The following DNM3 variants were observed in gnomAD, a reference collection of about 807,000 sequenced individuals.
DNM3 encodes the protein dynamin-3.
A neutral mutation model predicts 101.6 loss-of-function variants in DNM3; 47 were observed. The observed-to-expected ratio is 0.46, with a 90% CI of 0.37 to 0.59. The LOEUF (loss-of-function observed/expected upper bound fraction) is 0.59, where lower values mean the gene tolerates loss of function less well. Among genes scored for constraint, DNM3 ranks in the 20% least tolerant of loss-of-function variants. The pLI, the probability that DNM3 is intolerant of heterozygous loss-of-function variation, is 0.00. For missense variants in DNM3, 849 were observed against 1,085.7 expected, an observed-to-expected ratio of 0.78 and a Z score of 3.06; for synonymous variants, 385 against 387.9, an observed-to-expected ratio of 0.99 and a Z score of 0.09.
chr1:171,964,852 C>T (rs1281083487), intron 2 of DNM3, among the ~76,000 whole-genome samples: 1 of 151,724 alleles, frequency 6.6e-6, no homozygotes, highest in Non-Finnish European at 1.5e-5. Context: ...TCCCTGGGAA[C>T]CTCCGTTGTG....
intron 10 of DNM3, among the ~76,000 whole-genome samples, chr1:172,058,890 A>G (rs1243422538): frequency 6.6e-6 from 1 of 152,220 alleles, no homozygotes; most frequent in African/African-American, 2.4e-5. Context: ...CCCTTAAAAA[A>G]TTAATGAATC....
At chr1:172,102,208 C>T (rs990229001) in intron 13 of DNM3, among the ~76,000 whole-genome samples, 4 of 152,052 alleles carry the variant, frequency 2.6e-5, no homozygotes, top group Non-Finnish European at 4.4e-5. Flanking sequence ...AGAATGAGCT[C>T]GGCTTTATAG....
At chr1:172,244,163 A>G (rs1249612651) in intron 14 of DNM3, among the ~76,000 whole-genome samples, 6 of 151,826 alleles carry the variant, frequency 4.0e-5, no homozygotes, top group Non-Finnish European at 7.4e-5. Flanking sequence ...ATGATTTCCA[A>G]TTTCATCCAT....
At chr1:172,119,564 A>T (rs1190066016) in intron 13 of DNM3, among the ~76,000 whole-genome samples, 3 of 152,068 alleles carry the variant, frequency 2.0e-5, no homozygotes, top group Non-Finnish European at 4.4e-5. Flanking sequence ...CTCAGCGCTC[A>T]GTCCTGGGCC....
chr1:172,055,437 A>C (rs912929071), intron 10 of DNM3, among the ~76,000 whole-genome samples: 7 of 151,756 alleles, frequency 4.6e-5, no homozygotes, highest in African/African-American at 1.2e-4. Flanking sequence ...CACACACACC[A>C]CACATGCACA....
intron 2 of DNM3, among the ~76,000 whole-genome samples, chr1:171,984,634 T>A (rs1301188174): frequency 6.6e-6 from 1 of 152,214 alleles, no homozygotes; most frequent in African/African-American, 2.4e-5. Flanking sequence ...CCTGCTATTT[T>A]ATTTTCTCCA....
intron 1 of DNM3, among the ~76,000 whole-genome samples, chr1:171,899,940 G>T (rs916132428): frequency 6.6e-6 from 1 of 152,200 alleles, no homozygotes; most frequent in Admixed American, 6.5e-5. Context: ...AAGGGAGAAG[G>T]TACACCAGAT....
In DNM3 at chr1:171,988,971, C is replaced by T; in HGVS notation, c.412C>T (p.Pro138Ser). Residue 138 changes from proline to serine, a missense_variant, in exon 4 of 21, where the codon CCT (proline) becomes TCT (serine). Physicochemically the swap from Pro to Ser is moderately conservative, Grantham distance 74. Around this residue, in one of 5 missense-constraint regions of DNM3, gnomAD observed 388 missense variants for 483.0 expected, o/e 0.80. Coordinates refer to ENST00000627582, the MANE Select transcript of DNM3 (RefSeq NM_015569.5). ...HVLNLTLIDL[P>S]GITKVPVGDQ... is the part of the protein sequence containing the mutation. Reference sequence around the variant, plus strand: ...GTTAAATCTAACCCTTATTGATCTACCTGGAATAACTAAAGTGCCTGTGGG... The same window carrying T: ...GTTAAATCTAACCCTTATTGATCTATCTGGAATAACTAAAGTGCCTGTGGG... 6.3e-7 allele frequency: 1 copy of T among 1,598,598 alleles called. No individual in the cohort carries two copies. Among genetic ancestry groups the T allele is most frequent in the Non-Finnish European group, 8.5e-7 (1 of 1,171,808 alleles).
chr1:172,067,862 T>A (rs946716812), intron 10 of DNM3, among the ~76,000 whole-genome samples: 1 of 152,188 alleles, frequency 6.6e-6, no homozygotes, highest in Admixed American at 6.5e-5. Context: ...TTTAAAAAGT[T>A]AAAGGAGTCT....
intron 1 of DNM3, among the ~76,000 whole-genome samples, chr1:171,893,106 C>T (rs1370584661): frequency 6.6e-6 from 1 of 152,186 alleles, no homozygotes; most frequent in Non-Finnish European, 1.5e-5. Flanking sequence ...AGGTCAACTA[C>T]CCTCTCCCCT....
intron 7 of DNM3, 51 bp from the exon 8 acceptor site, chr1:172,041,958 T>C (rs1016810579): frequency 3.3e-6 from 5 of 1,530,702 alleles, no homozygotes; most frequent in Non-Finnish European, 4.4e-6. Context: ...AAATGAAGAG[T>C]GCAAAGGCTT....
chr1:172,280,182 C>G (rs1034949228), intron 15 of DNM3, among the ~76,000 whole-genome samples: 1 of 152,112 alleles, frequency 6.6e-6, no homozygotes, highest in Admixed American at 6.6e-5. Context: ...TGCCCCACCC[C>G]CTCAGTTCAT....
intron 13 of DNM3, among the ~76,000 whole-genome samples, chr1:172,094,160 T>A (rs1408658012): frequency 1.3e-5 from 2 of 152,142 alleles, no homozygotes; most frequent in Non-Finnish European, 2.9e-5. Context: ...GGGTAAATAT[T>A]GAGTATCTGA....
intron 14 of DNM3, among the ~76,000 whole-genome samples, chr1:172,169,467 T>C (rs2058870075): frequency 6.6e-6 from 1 of 151,894 alleles, no homozygotes; most frequent in African/African-American, 2.4e-5. Context: ...AAAACAACAT[T>C]TTGCCTAAGG....
In DNM3 at chr1:172,388,753, C is replaced by A. The variant is rs371582299; in HGVS notation, c.2466C>A (p.Phe822Leu). The A allele has an allele frequency of 4.5e-5, 73 of 1,610,260 alleles. No homozygotes were observed. The South Asian group carries it at 7.5e-4, about 17-fold the overall frequency. ...LPPFPSSSDS[F>L]GAPPQVPSRP... ...CTTTCCCCAGCAGCAGTGACTCCTT[C>A]GGAGCCCCTCCACAAGTTCCATCTA... The change falls in exon 20 of 21, where the codon TTC (phenylalanine) becomes TTA (leucine). Residue 822 changes from phenylalanine (F) to leucine (L), a missense_variant. Around this residue, in one of 5 missense-constraint regions of DNM3, gnomAD observed 256 missense variants for 311.7 expected, o/e 0.82. Transcript: ENST00000627582.
intron 4 of DNM3, among the ~76,000 whole-genome samples, chr1:171,997,074 G>A (rs1038069272): frequency 7.9e-5 from 12 of 151,836 alleles, no homozygotes; most frequent in African/African-American, 2.7e-4. Context: ...CTAACCAAAT[G>A]CTAGCAGTTA....
intron 1 of DNM3, among the ~76,000 whole-genome samples, chr1:171,916,006 A>G (rs1456761636): frequency 6.6e-6 from 1 of 152,230 alleles, no homozygotes; most frequent in Admixed American, 6.5e-5. Flanking sequence ...GTCTCCAGAC[A>G]AGACTTTTGT....
intron 1 of DNM3, among the ~76,000 whole-genome samples, chr1:171,911,588 C>T (rs533260527): frequency 1.3e-5 from 2 of 152,220 alleles, no homozygotes; most frequent in South Asian, 4.1e-4. Flanking sequence ...TGGCCTCTAG[C>T]ATCTTAAAAT....
intron 1 of DNM3, among the ~76,000 whole-genome samples, chr1:171,862,659 G>A (rs1474811115): frequency 6.6e-6 from 1 of 151,982 alleles, no homozygotes; most frequent in South Asian, 2.1e-4. Flanking sequence ...AATAGAGATG[G>A]TGTTTTATAA....
Sources: gnomAD v4.1 joint callset for allele counts (sites outside exome capture counted in the v4.1 genomes callset) on GRCh38, gnomAD v4.1.1 for gene constraint, gnomAD v4.1.1 regional missense constraint, MANE v1.5 for transcripts, NCBI Gene and HGNC (gene_info 2026-07-23, HGNC 2026-07-21) for gene names.